KIAA0930: variants seen among roughly 807,000 people sequenced by gnomAD.
KIAA0930 encodes the protein uncharacterized protein KIAA0930.
In KIAA0930, 24 loss-of-function variants were observed where a neutral mutation model predicts 43.9. The observed-to-expected ratio is 0.55, with a 90% CI of 0.40 to 0.77. The LOEUF is 0.77. Ranked by LOEUF, KIAA0930 falls within the 30% of genes least tolerant of loss-of-function variation. The pLI, the probability that KIAA0930 is intolerant of heterozygous loss-of-function variation, is 0.00. For synonymous variants in KIAA0930, 259 were observed against 216.4 expected, an observed-to-expected ratio of 1.20 and a Z score of -1.73; for missense variants, 461 against 574.2, an observed-to-expected ratio of 0.80 and a Z score of 2.02.
At chr22:45,238,477 T>A (rs770861302) in intron 1 of KIAA0930, among the ~76,000 whole-genome samples, 5 of 152,064 alleles carry the variant, frequency 3.3e-5, no homozygotes, top group Non-Finnish European at 7.4e-5. Context: ...CCAACAAACA[T>A]GTGCCTGGCA....
At chr22:45,238,638 G>C (rs781236254) in intron 1 of KIAA0930, among the ~76,000 whole-genome samples, 2 of 150,904 alleles carry the variant, frequency 1.3e-5, no homozygotes, top group Non-Finnish European at 2.9e-5. Context: ...GAAAACAGCA[G>C]GTTTTCTCTG....
At chr22:45,211,855 T>C in intron 2 of KIAA0930, 101 bp downstream of exon 2, 1 of 1,144,654 alleles carries the variant, frequency 8.7e-7, no homozygotes, top group Non-Finnish European at 1.3e-6. Flanking sequence ...CCCTCTTTGA[T>C]ATGCATGAGC....
In KIAA0930 at chr22:45,192,793, T is replaced by TC. The variant is rs1224949899; in HGVS notation, c.*4382dup. ...CAGCAGCTGCCTCCACTTCTGAGGCTCCCCCTGCGGGAGGAGCTCTGAACC... is the reference window on the plus strand; with the variant it reads ...CAGCAGCTGCCTCCACTTCTGAGGCTCCCCCCTGCGGGAGGAGCTCTGAACC... On this transcript the variant is annotated 3_prime_UTR_variant, in exon 10 of 10. Coordinates refer to ENST00000336156, the MANE Select transcript of KIAA0930 (RefSeq NM_001009880.2). 6.6e-6 allele frequency: 1 copy of TC among 152,166 alleles called. No homozygotes were observed. Among genetic ancestry groups the TC allele is most frequent in the Non-Finnish European group, 1.5e-5 (1 of 68,048 alleles). The allele number at this position is 152,166 out of a possible 1,614,324, so 9.4% of individuals were successfully genotyped here.
chr22:45,205,192 G>A, intron 5 of KIAA0930, 25 bp downstream of exon 5: 1 of 1,572,354 alleles, frequency 6.4e-7, no homozygotes. Flanking sequence ...GGAAGCTAAG[G>A]AGAGAGGCCC....
intron 1 of KIAA0930, among the ~76,000 whole-genome samples, chr22:45,220,386 C>T (rs978314813): frequency 2.6e-5 from 4 of 151,486 alleles, no homozygotes; most frequent in South Asian, 2.1e-4. Flanking sequence ...ATCCAGGAGG[C>T]GGAGGTTGCA....
At chr22:45,230,060 C>T (rs1036981930) in intron 1 of KIAA0930, among the ~76,000 whole-genome samples, 2 of 152,222 alleles carry the variant, frequency 1.3e-5, no homozygotes, top group East Asian at 1.9e-4. Flanking sequence ...TATGCCACTG[C>T]ACTCCAGCCT....
At chr22:45,208,715 G>T (rs923257803) in intron 2 of KIAA0930, among the ~76,000 whole-genome samples, 1 of 152,200 alleles carries the variant, frequency 6.6e-6, no homozygotes, top group Non-Finnish European at 1.5e-5. Context: ...GTACACGTCT[G>T]TGTTTTTCTG....
chr22:45,201,055 G>A (rs750658526), intron 7 of KIAA0930: 1 of 505,468 alleles, frequency 2.0e-6, no homozygotes, highest in South Asian at 1.5e-5. Context: ...GGATGAGCTG[G>A]GACTGAGACT....
intron 1 of KIAA0930, chr22:45,212,622 G>A: frequency 7.9e-7 from 1 of 1,269,002 alleles, no homozygotes; most frequent in Non-Finnish European, 1.0e-6. Context: ...GGGAACCGCA[G>A]GGAGACAGCA....
At chr22:45,223,188 CACAGA>C (rs1418471620) in intron 1 of KIAA0930, among the ~76,000 whole-genome samples, 2 of 152,180 alleles carry the variant, frequency 1.3e-5, no homozygotes, top group Non-Finnish European at 2.9e-5. Context: ...ATAAGACATT[CACAGA>C]ACAGAACACT....
At chr22:45,238,339 C>T (rs542038816) in intron 1 of KIAA0930, among the ~76,000 whole-genome samples, 7 of 152,324 alleles carry the variant, frequency 4.6e-5, no homozygotes, top group African/African-American at 1.2e-4. Flanking sequence ...TTACTGGGCA[C>T]CTGCTCCGTA....
intron 1 of KIAA0930, among the ~76,000 whole-genome samples, chr22:45,216,468 T>C (rs1003465224): frequency 5.9e-5 from 9 of 151,930 alleles, no homozygotes; most frequent in African/African-American, 2.2e-4. Flanking sequence ...CACGGCAGTG[T>C]GGCCTGCTTG....
intron 4 of KIAA0930, 47 bp from the exon 5 acceptor site, chr22:45,205,365 A>G (rs1013856659): frequency 1.3e-6 from 2 of 1,534,390 alleles, no homozygotes; most frequent in Admixed American, 3.4e-5. Context: ...CACCCGGCAC[A>G]CAGGCCCAGA....
intron 1 of KIAA0930, among the ~76,000 whole-genome samples, chr22:45,220,487 A>C (rs1027062224): frequency 6.6e-6 from 1 of 152,162 alleles, no homozygotes; most frequent in Non-Finnish European, 1.5e-5. Flanking sequence ...TAATATATTC[A>C]TATCTATTTA....
At chr22:45,216,812 A>G (rs1027338240) in intron 1 of KIAA0930, among the ~76,000 whole-genome samples, 6 of 152,154 alleles carry the variant, frequency 3.9e-5, no homozygotes, top group Non-Finnish European at 8.8e-5. Flanking sequence ...GTGGCCCCGA[A>G]AGCTGAGCCA....
rs1305460735 is a variant in KIAA0930 at position 45,197,845 on chromosome 22, G to A, written c.1119C>T (p.Phe373=). The change falls in exon 9 of 10, where the codon TTC becomes TTT. Residue 373 remains phenylalanine, a synonymous_variant. Transcript: ENST00000336156. ...CGTAGGTTAAGTGTGCATAGAGAAG[G>A]AAGTTTCCATCTGCTCTGTTCAGCT... The part of the protein sequence containing the change: ...WLKLNRADGN[F]LLYAHLTYVT... The A allele has an allele frequency of 1.2e-6, 2 of 1,614,244 alleles. No homozygotes were observed. Among genetic ancestry groups the A allele is most frequent in the African/African-American group, 1.3e-5 (1 of 75,070 alleles).
chr22:45,200,508 C>T lies in KIAA0930; in HGVS notation c.853-473G>A, dbSNP rs538498622. ...GCTTGCCTGTGGTCACCAAGCAGGA[C>T]GGCAGCAGCCCTGTCTTCTGTCCCC... On this transcript the variant is annotated intron_variant, in intron 7 of 9. Transcript: ENST00000336156. 3.9e-4 allele frequency among the ~76,000 whole-genome samples: 59 copies of T among 152,258 alleles called. 2 individuals carry two copies. The South Asian group carries it at 8.5e-3, about 22-fold the overall frequency.
In KIAA0930 at chr22:45,195,752, A is replaced by G. The variant is rs888663727; in HGVS notation, c.*1424T>C. 2 of 152,662 alleles carry G rather than the reference A, an allele frequency of 1.3e-5. No homozygotes were observed. Among genetic ancestry groups the G allele is most frequent in the Non-Finnish European group, 2.9e-5 (2 of 68,094 alleles). 9.5% of individuals were successfully genotyped at this position (152,662 alleles called of 1,614,324 possible). ...CGGGTGACCACGCCCTGACCCAGCC[A>G]CACACTTGAACCCTGGGACTTCAGT... On this transcript the variant is annotated 3_prime_UTR_variant, in exon 10 of 10. Coordinates refer to ENST00000336156, the MANE Select transcript of KIAA0930 (RefSeq NM_001009880.2).
At chr22:45,219,924 T>C (rs2083757622) in intron 1 of KIAA0930, among the ~76,000 whole-genome samples, 1 of 152,020 alleles carries the variant, frequency 6.6e-6, no homozygotes, top group South Asian at 2.1e-4. Context: ...TCCTATCAGA[T>C]TTTCAGGAAA....
Sources: allele counts gnomAD v4.1 joint callset (sites outside exome capture counted in the v4.1 genomes callset), GRCh38; gene constraint gnomAD v4.1.1; transcripts MANE v1.5; gene names NCBI Gene and HGNC (gene_info 2026-07-23, HGNC 2026-07-21).